CFTR: variants seen among roughly 807,000 people sequenced by gnomAD.
CFTR encodes cystic fibrosis transmembrane conductance regulator.
A neutral mutation model predicts 171.6 loss-of-function variants in CFTR; 181 were observed. The observed-to-expected ratio is 1.05, with a 90% CI of 0.93 to 1.19. CFTR has a LOEUF of 1.19. CFTR is among the 50% of genes most tolerant of loss of function. The pLI is 0.00. For synonymous variants in CFTR, 583 were observed against 608.0 expected (o/e 0.96, Z 0.60); for missense variants, 1,968 against 1,734.7 (o/e 1.13, Z -2.39).
At chr7:117,585,662 T>C (rs1791919371) in intron 11 of CFTR, among the ~76,000 whole-genome samples, 1 of 152,138 alleles carries the variant, frequency 6.6e-6, no homozygotes, top group African/African-American at 2.4e-5. Flanking sequence ...GTTTTTTAGA[T>C]ATTGAGTCTT....
At chr7:117,588,043 T>C (rs1323969264) in intron 12 of CFTR, among the ~76,000 whole-genome samples, 1 of 152,130 alleles carries the variant, frequency 6.6e-6, no homozygotes, top group Non-Finnish European at 1.5e-5. Context: ...ACTCAGAATC[T>C]GTGCCCGTAT....
chr7:117,486,255 A>T (rs377643886), intron 1 of CFTR, among the ~76,000 whole-genome samples: 1 of 152,148 alleles, frequency 6.6e-6, no homozygotes. Context: ...AGGAGCTGAG[A>T]TACAGCAGTA....
intron 22 of CFTR, among the ~76,000 whole-genome samples, chr7:117,641,656 T>A (rs1006058374): frequency 6.6e-6 from 1 of 152,170 alleles, no homozygotes; most frequent in Non-Finnish European, 1.5e-5. Flanking sequence ...TAAGCTGACA[T>A]CAGAACACAG....
intron 22 of CFTR, among the ~76,000 whole-genome samples, chr7:117,641,529 G>A (rs1410831624): frequency 6.6e-6 from 1 of 152,182 alleles, no homozygotes; most frequent in African/African-American, 2.4e-5. Flanking sequence ...TATGTAAGGA[G>A]AAGGAAACAA....
chr7:117,488,452 G>C (rs559690381), intron 1 of CFTR, among the ~76,000 whole-genome samples: 2 of 152,166 alleles, frequency 1.3e-5, no homozygotes, highest in East Asian at 3.9e-4. Flanking sequence ...TAGCTTAACA[G>C]TTATTAGATT....
At chr7:117,529,453 A>T (rs2116667517) in intron 3 of CFTR, among the ~76,000 whole-genome samples, 1 of 141,398 alleles carries the variant, frequency 7.1e-6, no homozygotes, top group African/African-American at 2.7e-5. Context: ...CCAGCATGGC[A>T]CATGTATACA....
At chr7:117,554,451 G>A (rs1415127221) in intron 10 of CFTR, among the ~76,000 whole-genome samples, 1 of 152,150 alleles carries the variant, frequency 6.6e-6, no homozygotes, top group Non-Finnish European at 1.5e-5. Context: ...ACAGGTTTTG[G>A]ATGGAGCTTG....
intron 1 of CFTR, among the ~76,000 whole-genome samples, chr7:117,495,719 A>G (rs1798226428): frequency 6.6e-6 from 1 of 152,168 alleles, no homozygotes; most frequent in African/African-American, 2.4e-5. Flanking sequence ...AGCCATTGAC[A>G]TATTTGAAAG....
intron 11 of CFTR, among the ~76,000 whole-genome samples, chr7:117,563,765 A>G (rs1194497446): frequency 6.6e-6 from 1 of 152,196 alleles, no homozygotes; most frequent in Non-Finnish European, 1.5e-5. Flanking sequence ...TAAACAATTT[A>G]TGCTTCTTCT....
At chr7:117,585,320 G>T (rs1791913966) in intron 11 of CFTR, among the ~76,000 whole-genome samples, 1 of 151,638 alleles carries the variant, frequency 6.6e-6, no homozygotes, top group Non-Finnish European at 1.5e-5. Flanking sequence ...ACTGAGCTAG[G>T]ATTCTATACT....
At chr7:117,563,150 C>T (rs761128278) in intron 11 of CFTR, among the ~76,000 whole-genome samples, 2 of 152,124 alleles carry the variant, frequency 1.3e-5, no homozygotes, top group South Asian at 2.1e-4. Context: ...AGCTGGCAGA[C>T]GTAGGTTACT....
intron 21 of CFTR, among the ~76,000 whole-genome samples, chr7:117,622,404 A>G (rs564445962): frequency 6.6e-5 from 10 of 152,260 alleles, no homozygotes; most frequent in Admixed American, 6.5e-4. Flanking sequence ...ATTGAAAAGC[A>G]TAGTTTTTGC....
chr7:117,573,749 CA>C (rs1035742866), intron 11 of CFTR, among the ~76,000 whole-genome samples: 1 of 152,016 alleles, frequency 6.6e-6, no homozygotes, highest in African/African-American at 2.4e-5. Flanking sequence ...AGGGCCCTTT[CA>C]ACAATAAAAT....
chr7:117,543,703 A>T (rs1160273403), intron 9 of CFTR, among the ~76,000 whole-genome samples: 1 of 152,162 alleles, frequency 6.6e-6, no homozygotes, highest in Non-Finnish European at 1.5e-5. Flanking sequence ...GAGCCCTTTC[A>T]CTAAACTGTT....
rs567276408 is a variant in CFTR at position 117,606,772 on chromosome 7, C to T, written c.2988+19C>T. 8.6e-6 allele frequency: 11 copies of T among 1,279,168 alleles called. No individual in the cohort carries two copies. Among genetic ancestry groups the T allele is most frequent in the South Asian group, 1.2e-5 (1 of 83,950 alleles). 79.2% of individuals were successfully genotyped at this position (1,279,168 alleles called of 1,614,324 possible). A position where few individuals can be genotyped will look rare whatever the true frequency, so the allele number is the denominator to read the frequency against. ...CATCCAGGTATGTAAAAATAAGTAC[C>T]GTTAAGTATGTCTGTATTATTAAAA... On this transcript the variant is annotated intron_variant, in intron 18 of 26. Transcript: ENST00000003084.
chr7:117,538,753 TA>T (rs34851557), intron 7 of CFTR, among the ~76,000 whole-genome samples: 86,146 of 151,986 alleles, frequency 0.57, 27,674 homozygotes, highest in African/African-American at 0.88. Flanking sequence ...TAAGATGGCA[TA>T]AGCTGTAACT....
chr7:117,666,800 C>T, intron 26 of CFTR, 108 bp from the exon 27 acceptor site: 1 of 899,886 alleles, frequency 1.1e-6, no homozygotes, highest in Non-Finnish European at 1.8e-6. Flanking sequence ...AGGCTCTGGA[C>T]ATTGCATTCT....
chr7:117,649,800 A>T (rs754768265), intron 23 of CFTR, among the ~76,000 whole-genome samples: 2 of 152,164 alleles, frequency 1.3e-5, no homozygotes, highest in Non-Finnish European at 2.9e-5. Context: ...TACTCATTGT[A>T]AGCTATGAAA....
chr7:117,543,424 C>T lies in CFTR; in HGVS notation c.1209+1316C>T, dbSNP rs567068142. On this transcript the variant is annotated intron_variant, in intron 9 of 26. Transcript: ENST00000003084. ...CTACTTTCAGGTCATTATTTTCCTA[C>T]TCTGGTGCAAAAACCCTCAATTCCT... 3.3e-3 allele frequency among the ~76,000 whole-genome samples: 498 copies of T among 152,270 alleles called. 2 individuals carry two copies. Among genetic ancestry groups the T allele is most frequent in the Middle Eastern group, 0.024 (7 of 294 alleles).
Sources: allele counts gnomAD v4.1 joint callset (sites outside exome capture counted in the v4.1 genomes callset), GRCh38; gene constraint gnomAD v4.1.1; transcripts MANE v1.5; gene names NCBI Gene and HGNC (gene_info 2026-07-23, HGNC 2026-07-21).